Variants in MRPS5 observed in about 807,000 individuals in gnomAD.
MRPS5 encodes small ribosomal subunit protein uS5m.
A neutral mutation model predicts 51.9 loss-of-function variants in MRPS5; 27 were observed. That is an observed-to-expected ratio of 0.52 (90% CI 0.38 to 0.72). MRPS5 has a LOEUF of 0.72. MRPS5 is among the 30% of genes least tolerant of loss of function. The pLI, the probability that MRPS5 is intolerant of heterozygous loss-of-function variation, is 0.00. For synonymous variants in MRPS5, 196 were observed against 193.2 expected (o/e 1.01, Z -0.12); for missense variants, 570 against 545.7 (o/e 1.04, Z -0.44).
chr2:95,101,978 A>ACT (rs2104409149), intron 7 of MRPS5: 1 of 394,782 alleles, frequency 2.5e-6, no homozygotes, highest in South Asian at 3.8e-5. Flanking sequence ...ACACAGCAAG[A>ACT]CTCTGTCTCT....
Position 95,090,855 on chromosome 2 carries a change from G to A in MRPS5, c.932-333C>T, listed in dbSNP as rs551054747. ...CATTTAACTAAGGATGGAGGGACAC[G>A]TCTCTTCTCACCCTCCTTGATAGTT... On this transcript the variant is annotated intron_variant, in intron 10 of 11. Transcript: ENST00000272418. 1.7e-4 allele frequency: 42 copies of A among 251,320 alleles called. 1 individual carries two copies. In the South Asian group the frequency reaches 2.1e-3, roughly 13 times the overall value. The allele number at this position is 251,320 out of a possible 1,614,324, so 15.6% of individuals were successfully genotyped here.
chr2:95,102,784 A>T (rs900441250), intron 7 of MRPS5, among the ~76,000 whole-genome samples: 11 of 152,058 alleles, frequency 7.2e-5, no homozygotes, highest in African/African-American at 2.4e-4. Context: ...CAAATCAATG[A>T]CTCTTTAGTT....
intron 10 of MRPS5, among the ~76,000 whole-genome samples, chr2:95,094,251 C>T (rs1675552601): frequency 6.6e-6 from 1 of 152,166 alleles, no homozygotes. Context: ...ACCAAATCTA[C>T]ATTTGATTGG....
At position 95,086,951 on chromosome 2, in the gene MRPS5, C is replaced by T. The variant is rs1380246095; in HGVS notation, c.*406G>A. Among the ~76,000 whole-genome samples the T allele has an allele frequency of 6.6e-6, 1 of 152,132 alleles. No individual in the cohort carries two copies. Among genetic ancestry groups the T allele is most frequent in the African/African-American group, 2.4e-5 (1 of 41,438 alleles). On this transcript the variant is annotated 3_prime_UTR_variant, in exon 12 of 12. Transcript: ENST00000272418. ...TGGAAAACGGTTTGGAAGTTCCTCA[C>T]GGTAGTCAAGTTACTTAACTGCTCT... is the stretch of plus-strand genomic sequence containing the variant.
In MRPS5 at chr2:95,121,726, GCT is replaced by G; in HGVS notation, c.58+6_58+7del. 6.5e-7 allele frequency: 1 copy of G among 1,539,694 alleles called. No homozygotes were observed. The highest frequency in any genetic ancestry group is 2.1e-4 in the Middle Eastern group (1 of 4,850). On this transcript the variant is annotated splice_donor_region_variant and intron_variant, in intron 1 of 11. Coordinates refer to ENST00000272418, the MANE Select transcript of MRPS5 (RefSeq NM_031902.5). ...CAGAGCCCCTGCTCCCGGCGTCCCAGCTCTCACCTGCCGTCCCGCTACACAGC... is the reference window on the plus strand; with the variant it reads ...CAGAGCCCCTGCTCCCGGCGTCCCAGCTCACCTGCCGTCCCGCTACACAGC...
intron 3 of MRPS5, among the ~76,000 whole-genome samples, chr2:95,112,389 A>C (rs1409324157): frequency 6.6e-6 from 1 of 152,130 alleles, no homozygotes; most frequent in Non-Finnish European, 1.5e-5. Context: ...ATATACACAC[A>C]CATACATATA....
chr2:95,118,981 GA>G (rs201794005), intron 1 of MRPS5, among the ~76,000 whole-genome samples: 1 of 151,380 alleles, frequency 6.6e-6, no homozygotes, highest in African/African-American at 2.4e-5. Flanking sequence ...GCAACAAAAA[GA>G]AAAAAAATAG....
intron 6 of MRPS5, 21 bp downstream of exon 6, chr2:95,106,402 T>A: frequency 8.0e-7 from 1 of 1,246,072 alleles, no homozygotes. Flanking sequence ...CTTAACCAGG[T>A]ATTTAATTCT....
intron 10 of MRPS5, among the ~76,000 whole-genome samples, chr2:95,095,769 G>C (rs886371747): frequency 1.3e-5 from 2 of 151,974 alleles, no homozygotes; most frequent in South Asian, 2.1e-4. Context: ...ATCTAAAATC[G>C]ACACCCTAAC....
intron 8 of MRPS5, 71 bp from the exon 9 acceptor site, chr2:95,100,965 T>C (rs759531767): frequency 1.9e-5 from 25 of 1,323,284 alleles, no homozygotes; most frequent in Non-Finnish European, 2.5e-5. Context: ...AAAAACACTT[T>C]TAATAAAAAT....
rs1413848194 is a variant in MRPS5, at chr2:95,085,990, GC to G, written c.*1366del. ...AGTGGCATGAACAAGGCTCACTGCA[GC>G]CTCAACCTCCTGCAATCAAATGATC... On this transcript the variant is annotated 3_prime_UTR_variant, in exon 12 of 12. Transcript: ENST00000272418. Among the ~76,000 whole-genome samples, 2 of 151,626 alleles carry G rather than the reference GC, an allele frequency of 1.3e-5. No individual in the cohort carries two copies. Among genetic ancestry groups the G allele is most frequent in the African/African-American group, 4.8e-5 (2 of 41,248 alleles).
intron 3 of MRPS5, 148 bp downstream of exon 3, chr2:95,114,918 G>GATTATCTCAC (rs1676240541): frequency 2.8e-6 from 2 of 726,930 alleles, no homozygotes; most frequent in Non-Finnish European, 4.1e-6. Flanking sequence ...ATAATTCTAG[G>GATTATCTCAC]ATGTACATCA....
At chr2:95,120,175 A>T (rs1006711582) in intron 1 of MRPS5, among the ~76,000 whole-genome samples, 2 of 152,266 alleles carry the variant, frequency 1.3e-5, no homozygotes, top group African/African-American at 4.8e-5. Flanking sequence ...CTAGCAAAAT[A>T]GGCCTAAGAG....
chr2:95,098,813 T>C (rs1016726591), intron 10 of MRPS5, among the ~76,000 whole-genome samples: 121 of 152,012 alleles, frequency 8.0e-4, no homozygotes, highest in African/African-American at 2.7e-3. Flanking sequence ...ATTGTGCACA[T>C]GTACCCTAGA....
At chr2:95,104,878 A>G in intron 6 of MRPS5, 148 bp from the exon 7 acceptor site, 1 of 646,236 alleles carries the variant, frequency 1.5e-6, no homozygotes, top group South Asian at 1.9e-5. Context: ...AGCACAAGTA[A>G]CAGCCTTTTT....
chr2:95,108,893 C>A (rs1399395870), intron 4 of MRPS5, among the ~76,000 whole-genome samples: 1 of 151,864 alleles, frequency 6.6e-6, no homozygotes, highest in Non-Finnish European at 1.5e-5. Context: ...AAGAAGATAT[C>A]TATTTCTTTT....
chr2:95,086,515 G>GA lies in MRPS5; in HGVS notation c.*841dup, dbSNP rs994679719. 6.6e-6 allele frequency among the ~76,000 whole-genome samples: 1 copy of GA among 151,622 alleles called. No homozygotes were observed. The highest frequency in any genetic ancestry group is 2.4e-5 in the African/African-American group (1 of 41,232). On this transcript the variant is annotated 3_prime_UTR_variant, in exon 12 of 12. Transcript: ENST00000272418. Reference sequence around the variant, plus strand: ...TGAGCAACACAGAGAAAACAGACTGGAAAAAAAATAAACAGCGCCTCAGGG... The same window carrying GA: ...TGAGCAACACAGAGAAAACAGACTGGAAAAAAAAATAAACAGCGCCTCAGGG...
intron 3 of MRPS5, among the ~76,000 whole-genome samples, chr2:95,114,404 A>ACTATAGGC (rs1676221888): frequency 6.6e-6 from 1 of 151,488 alleles, no homozygotes; most frequent in Non-Finnish European, 1.5e-5. Context: ...ACTACCTGGG[A>ACTATAGGC]CTATAGGCGC....
intron 10 of MRPS5, among the ~76,000 whole-genome samples, chr2:95,093,896 C>T (rs947403963): frequency 8.5e-5 from 13 of 152,192 alleles, no homozygotes; most frequent in African/African-American, 2.9e-4. Context: ...GACAAGTTGG[C>T]AGAAGTAGAC....
Sources: gnomAD v4.1 joint callset for allele counts (sites outside exome capture counted in the v4.1 genomes callset) on GRCh38, gnomAD v4.1.1 for gene constraint, MANE v1.5 for transcripts, NCBI Gene and HGNC (gene_info 2026-07-23, HGNC 2026-07-21) for gene names.